CDH23: variants seen among roughly 807,000 people sequenced by gnomAD.
CDH23 encodes cadherin-23.
Under a neutral mutation model 317.1 loss-of-function variants are expected in CDH23, and 189 were observed. The observed-to-expected ratio is 0.60, with a 90% CI of 0.53 to 0.67. The LOEUF (loss-of-function observed/expected upper bound fraction) is 0.67, where lower values mean the gene tolerates loss of function less well. CDH23 is among the 30% of genes least tolerant of loss of function. CDH23 has a pLI of 0.00. For missense variants in CDH23, 4,401 were observed against 4,592.4 expected, an observed-to-expected ratio of 0.96 and a Z score of 1.20; for synonymous variants, 1,839 against 1,876.8, an observed-to-expected ratio of 0.98 and a Z score of 0.52.
chr10:71,634,924 C>G (rs1433481274), intron 11 of CDH23, among the ~76,000 whole-genome samples: 1 of 152,244 alleles, frequency 6.6e-6, no homozygotes, highest in Non-Finnish European at 1.5e-5. Context: ...CACTTTGTTT[C>G]AGGAAGTACC....
intron 9 of CDH23, among the ~76,000 whole-genome samples, chr10:71,600,345 G>A (rs970025037): frequency 2.0e-5 from 3 of 151,728 alleles, no homozygotes; most frequent in Non-Finnish European, 4.4e-5. Context: ...GATGCTTTAG[G>A]AGATAAGCTT....
chr10:71,736,380 A>G (rs1426414536), intron 34 of CDH23, among the ~76,000 whole-genome samples: 3 of 152,224 alleles, frequency 2.0e-5, no homozygotes, highest in African/African-American at 4.8e-5. Context: ...CCCAAACCAC[A>G]GCTCACCTCC....
In CDH23 at chr10:71,809,966, G is replaced by C; in HGVS notation, c.8869G>C (p.Val2957Leu). ...GIYILRDDQR[V>L]KIVINEIPDR... ...CTACATCCTGAGGGACGACCAGCGC[G>C]TCAAGATCGTCATTAACGAGATCCC... The change falls in exon 61 of 70, where the codon GTC becomes CTC. Residue 2957 changes from valine to leucine, a missense_variant. Transcript: ENST00000224721. 1 of 1,612,134 alleles carries C rather than the reference G, an allele frequency of 6.2e-7. No individual in the cohort carries two copies. Among genetic ancestry groups the C allele is most frequent in the Non-Finnish European group, 8.5e-7 (1 of 1,179,890 alleles).
At chr10:71,799,412 G>T (rs1314694091) in intron 51 of CDH23, 80 bp from the exon 52 acceptor site, 4 of 1,605,374 alleles carry the variant, frequency 2.5e-6, no homozygotes, top group Non-Finnish European at 2.6e-6. Context: ...CTTGATGCCT[G>T]CATCAGTGAG....
chr10:71,432,038 T>C (rs1849394129), intron 1 of CDH23, among the ~76,000 whole-genome samples: 1 of 152,076 alleles, frequency 6.6e-6, no homozygotes, highest in African/African-American at 2.4e-5. Context: ...AGGTGTTTGG[T>C]GAAACCCCTA....
intron 28 of CDH23, among the ~76,000 whole-genome samples, chr10:71,721,516 G>T (rs773480173): frequency 6.6e-6 from 1 of 152,184 alleles, no homozygotes; most frequent in Non-Finnish European, 1.5e-5. Context: ...GGCTCAAGGG[G>T]GCTAAAGTAC....
At chr10:71,500,053 A>G (rs147773569) in intron 3 of CDH23, among the ~76,000 whole-genome samples, 3 of 149,760 alleles carry the variant, frequency 2.0e-5, no homozygotes, top group African/African-American at 7.4e-5. Context: ...AGTGCTGTGT[A>G]GCACAATAGG....
chr10:71,797,040 C>T lies in CDH23; in HGVS notation c.6713-64C>T. 3.8e-6 allele frequency: 4 copies of T among 1,053,614 alleles called. No homozygotes were observed. The Middle Eastern group carries it at 7.5e-4, about 197-fold the overall frequency. The allele number at this position is 1,053,614 out of a possible 1,614,324, so 65.3% of individuals were successfully genotyped here. The stretch of plus-strand genomic sequence containing the variant: ...ATTGGGAGGGTTTGGCCAGGAGCAC[C>T]CCTGGGAAGGGCAGATTTTAGGGGG... On this transcript the variant is annotated intron_variant, in intron 48 of 69. Coordinates refer to ENST00000224721, the MANE Select transcript of CDH23 (RefSeq NM_022124.6).
intron 8 of CDH23, among the ~76,000 whole-genome samples, chr10:71,575,993 C>T (rs1018708606): frequency 1.3e-5 from 2 of 152,206 alleles, no homozygotes; most frequent in Non-Finnish European, 2.9e-5. Flanking sequence ...CGTAGAAGCT[C>T]GGGTATGACT....
Position 71,812,833 on chromosome 10 carries a change from C to T in CDH23, c.9576C>T (p.Ile3192=), listed in dbSNP as rs1841987551. The change falls in exon 68 of 70, where the codon ATC becomes ATT. Residue 3192 remains isoleucine, a synonymous_variant. Coordinates refer to ENST00000224721, the MANE Select transcript of CDH23 (RefSeq NM_022124.6). ...PDDDRYLRAA[I]QEYDNIAKLG... is the part of the protein sequence containing the mutation. ...ATGACCGATACCTGCGGGCTGCCATCCAGGAGTATGACAACATTGCCAAGC... is the reference window on the plus strand; with the variant it reads ...ATGACCGATACCTGCGGGCTGCCATTCAGGAGTATGACAACATTGCCAAGC... 1 of 1,613,716 alleles carries T rather than the reference C, an allele frequency of 6.2e-7. No homozygotes were observed. The highest frequency in any genetic ancestry group is 8.5e-7 in the Non-Finnish European group (1 of 1,179,762).
At chr10:71,562,956 C>A (rs1867995) in intron 6 of CDH23, among the ~76,000 whole-genome samples, 2,151 of 152,254 alleles carry the variant, frequency 0.014, 50 homozygotes, top group African/African-American at 0.049. Context: ...ATTTCTCAGG[C>A]CCCACCTGAT....
intron 11 of CDH23, among the ~76,000 whole-genome samples, chr10:71,634,964 G>T (rs1240146936): frequency 6.6e-6 from 1 of 152,248 alleles, no homozygotes; most frequent in Non-Finnish European, 1.5e-5. Flanking sequence ...GTCCCTAGAG[G>T]TCCAGGGTCT....
At chr10:71,565,027 A>G (rs1305380406) in intron 6 of CDH23, among the ~76,000 whole-genome samples, 14 of 152,370 alleles carry the variant, frequency 9.2e-5, no homozygotes, top group African/African-American at 3.4e-4. Context: ...GGGGGCTGGC[A>G]GCTCTGAAAT....
At chr10:71,416,620 T>C (rs1303413113) in intron 1 of CDH23, among the ~76,000 whole-genome samples, 1 of 151,896 alleles carries the variant, frequency 6.6e-6, no homozygotes, top group Non-Finnish European at 1.5e-5. Context: ...GGATCTGCTA[T>C]TGAATTTTTG....
At chr10:71,486,347 A>C (rs1299397572) in intron 3 of CDH23, among the ~76,000 whole-genome samples, 1 of 152,160 alleles carries the variant, frequency 6.6e-6, no homozygotes, top group Non-Finnish European at 1.5e-5. Flanking sequence ...ATGTGTGACC[A>C]TCAGGGAAGG....
At chr10:71,554,662 G>C (rs1856783446) in intron 6 of CDH23, among the ~76,000 whole-genome samples, 1 of 152,014 alleles carries the variant, frequency 6.6e-6, no homozygotes, top group Non-Finnish European at 1.5e-5. Flanking sequence ...TCTTCTTATA[G>C]ATCACATCGT....
intron 6 of CDH23, among the ~76,000 whole-genome samples, chr10:71,536,993 G>A (rs553311753): frequency 1.3e-5 from 2 of 152,100 alleles, no homozygotes; most frequent in Non-Finnish European, 2.9e-5. Context: ...ATTTGATTGC[G>A]AGGCTGCTCT....
intron 3 of CDH23, among the ~76,000 whole-genome samples, chr10:71,486,784 A>G (rs1852374980): frequency 6.6e-6 from 1 of 152,068 alleles, no homozygotes. Flanking sequence ...TGAGCTGGAA[A>G]TTGCTGTGCA....
intron 11 of CDH23, among the ~76,000 whole-genome samples, chr10:71,640,183 C>T (rs1433327531): frequency 6.6e-6 from 1 of 152,218 alleles, no homozygotes. Context: ...ACTGAGCTCA[C>T]ACCATCTTCC....
Sources: gnomAD v4.1 joint callset for allele counts (sites outside exome capture counted in the v4.1 genomes callset) on GRCh38, gnomAD v4.1.1 for gene constraint, MANE v1.5 for transcripts, NCBI Gene and HGNC (gene_info 2026-07-23, HGNC 2026-07-21) for gene names.